The following ST3GAL3 variants were observed in gnomAD, a reference collection of about 807,000 sequenced individuals.
ST3GAL3 encodes the protein CMP-N-acetylneuraminate-beta-1,4-galactoside alpha-2,3-sialyltransferase.
In ST3GAL3, 21 loss-of-function variants were observed where a neutral mutation model predicts 50.1. The ratio of observed to expected loss-of-function variants is 0.42; its 90% confidence interval spans 0.30 to 0.60. ST3GAL3 has a LOEUF of 0.60. ST3GAL3 is among the 20% of genes least tolerant of loss of function. The pLI is 0.19. For missense variants in ST3GAL3, 353 were observed against 489.4 expected (o/e 0.72, Z 2.63); for synonymous variants, 183 against 190.0 (o/e 0.96, Z 0.30).
chr1:43,919,068 TC>T (rs2082574887), intron 9 of ST3GAL3: 1 of 122,884 alleles, frequency 8.1e-6, no homozygotes, highest in South Asian at 2.8e-4. Context: ...TTTCTTTGTT[TC>T]TTTTTTTTTT....
chr1:43,811,670 C>G (rs1292006119), intron 3 of ST3GAL3, among the ~76,000 whole-genome samples: 1 of 152,198 alleles, frequency 6.6e-6, no homozygotes, highest in African/African-American at 2.4e-5. Flanking sequence ...CAGTGTTCTC[C>G]TGCAGCCAGC....
intron 5 of ST3GAL3, among the ~76,000 whole-genome samples, chr1:43,887,091 G>T (rs891934528): frequency 2.6e-5 from 4 of 152,300 alleles, no homozygotes; most frequent in African/African-American, 9.6e-5. Context: ...TAAGAGAAAA[G>T]ATACCTGCTT....
intron 2 of ST3GAL3, among the ~76,000 whole-genome samples, chr1:43,790,700 C>T (rs1054353339): frequency 2.7e-5 from 4 of 148,036 alleles, no homozygotes; most frequent in African/African-American, 1.0e-4. Flanking sequence ...GGCATGATGT[C>T]GGCTCACTGC....
chr1:43,812,709 C>T (rs2060705804), intron 3 of ST3GAL3, among the ~76,000 whole-genome samples: 1 of 152,224 alleles, frequency 6.6e-6, no homozygotes, highest in African/African-American at 2.4e-5. Context: ...AAACAACTCT[C>T]CCAGCTTGGT....
At chr1:43,879,484 C>G (rs2074725115) in intron 5 of ST3GAL3, 2 of 453,622 alleles carry the variant, frequency 4.4e-6, no homozygotes, top group Non-Finnish European at 8.9e-6. Flanking sequence ...ATTATTTGGA[C>G]TAGGGCCGTA....
intron 11 of ST3GAL3, among the ~76,000 whole-genome samples, chr1:43,926,443 G>T (rs2083949114): frequency 6.6e-6 from 1 of 152,106 alleles, no homozygotes; most frequent in Non-Finnish European, 1.5e-5. Flanking sequence ...TACAAAATTA[G>T]CCAGGTGTGG....
In ST3GAL3 at chr1:43,823,633, A is replaced by G. The variant is rs139091816; in HGVS notation, c.209+8700A>G. On this transcript the variant is annotated intron_variant, in intron 4 of 11. Coordinates refer to ENST00000347631, the MANE Select transcript of ST3GAL3 (RefSeq NM_006279.5). ...GGTATCTATCACTCTCGGATGCCAC[A>G]TATGTTTTATTTACTTGTTTATTGT... 1.1e-3 allele frequency among the ~76,000 whole-genome samples: 160 copies of G among 152,202 alleles called. 2 individuals carry two copies. Among genetic ancestry groups the G allele is most frequent in the African/African-American group, 3.6e-3 (151 of 41,520 alleles).
intron 1 of ST3GAL3, among the ~76,000 whole-genome samples, chr1:43,730,678 C>T (rs930097893): frequency 6.7e-6 from 1 of 150,260 alleles, no homozygotes; most frequent in Non-Finnish European, 1.5e-5. Flanking sequence ...TCAAGCAATC[C>T]TCCTACCTCA....
Position 43,881,927 on chromosome 1 carries a change from G to A in ST3GAL3, c.303-12456G>A, listed in dbSNP as rs528139873. ...GGTGAGCAGGAATTGGCCTGGATTAGCCCTGGAAGATCCACATGGTGGAGG... is the reference window on the plus strand; with the variant it reads ...GGTGAGCAGGAATTGGCCTGGATTAACCCTGGAAGATCCACATGGTGGAGG... On this transcript the variant is annotated intron_variant, in intron 5 of 11. Coordinates refer to ENST00000347631, the MANE Select transcript of ST3GAL3 (RefSeq NM_006279.5). Among the ~76,000 whole-genome samples the A allele has an allele frequency of 5.3e-5, 8 of 152,370 alleles. No individual in the cohort carries two copies. In the East Asian group the frequency reaches 1.3e-3, roughly 26 times the overall value.
intron 2 of ST3GAL3, among the ~76,000 whole-genome samples, chr1:43,759,065 G>GCACACACA (rs1553285693): frequency 0.013 from 990 of 75,402 alleles, 3 homozygotes; most frequent in Middle Eastern, 0.022. Context: ...AAAAGCGCGC[G>GCACACACA]CACACACACA....
At chr1:43,739,643 T>C (rs1679981018) in intron 2 of ST3GAL3, among the ~76,000 whole-genome samples, 1 of 152,332 alleles carries the variant, frequency 6.6e-6, no homozygotes, top group Non-Finnish European at 1.5e-5. Flanking sequence ...GCCTATAATA[T>C]GAGAACAAAA....
intron 5 of ST3GAL3, among the ~76,000 whole-genome samples, chr1:43,889,231 C>CACACGT (rs1464909547): frequency 3.3e-5 from 5 of 151,782 alleles, no homozygotes; most frequent in Non-Finnish European, 7.4e-5. Context: ...CACACACACA[C>CACACGT]ACGTTTCATT....
At chr1:43,882,803 G>T (rs972049274) in intron 5 of ST3GAL3, among the ~76,000 whole-genome samples, 1 of 152,050 alleles carries the variant, frequency 6.6e-6, no homozygotes, top group Non-Finnish European at 1.5e-5. Context: ...TAGTTTGCCT[G>T]ACCCTGTTCT....
intron 5 of ST3GAL3, among the ~76,000 whole-genome samples, chr1:43,853,256 C>T (rs983523087): frequency 3.9e-5 from 6 of 152,210 alleles, no homozygotes; most frequent in Admixed American, 3.3e-4. Context: ...ATCCAAGCCA[C>T]GTCCATGCTG....
chr1:43,713,900 T>A (rs1476467373), intron 1 of ST3GAL3, among the ~76,000 whole-genome samples: 1 of 152,128 alleles, frequency 6.6e-6, no homozygotes, highest in East Asian at 1.9e-4. Context: ...TTTTAAGTGA[T>A]GGATGATGCT....
At chr1:43,853,285 A>T (rs2067690134) in intron 5 of ST3GAL3, among the ~76,000 whole-genome samples, 1 of 152,234 alleles carries the variant, frequency 6.6e-6, no homozygotes, top group African/African-American at 2.4e-5. Flanking sequence ...TACTAGCAGC[A>T]GTGACAGTGA....
At chr1:43,834,855 T>G (rs1235023256) in intron 4 of ST3GAL3, among the ~76,000 whole-genome samples, 1 of 152,216 alleles carries the variant, frequency 6.6e-6, no homozygotes, top group Non-Finnish European at 1.5e-5. Context: ...GAAAATCAGA[T>G]TTTCCATCAC....
chr1:43,836,291 T>G (rs2064317599), intron 4 of ST3GAL3, among the ~76,000 whole-genome samples: 1 of 152,270 alleles, frequency 6.6e-6, no homozygotes, highest in East Asian at 1.9e-4. Flanking sequence ...TTTGGCTTTC[T>G]TTTGCCTACC....
intron 5 of ST3GAL3, among the ~76,000 whole-genome samples, chr1:43,873,788 CT>C (rs1478695627): frequency 6.6e-6 from 1 of 151,330 alleles, no homozygotes; most frequent in Non-Finnish European, 1.5e-5. Flanking sequence ...AAGATTCTGT[CT>C]CAAAATAAAT....
Sources: gnomAD v4.1 joint callset for allele counts (sites outside exome capture counted in the v4.1 genomes callset) on GRCh38, gnomAD v4.1.1 for gene constraint, MANE v1.5 for transcripts, NCBI Gene and HGNC (gene_info 2026-07-23, HGNC 2026-07-21) for gene names.